Variants in SUZ12 observed in about 807,000 individuals in gnomAD.
SUZ12 encodes SUZ12 polycomb repressive complex 2 subunit, also known as polycomb protein SUZ12.
In SUZ12, 17 loss-of-function variants were observed where a neutral mutation model predicts 87.3. The observed-to-expected ratio is 0.19, with a 90% CI of 0.13 to 0.29. The LOEUF (loss-of-function observed/expected upper bound fraction) is 0.29, where lower values mean the gene tolerates loss of function less well. Ranked by LOEUF, SUZ12 falls within the 10% of genes least tolerant of loss-of-function variation. SUZ12 has a pLI of 1.00. For missense variants in SUZ12, 526 were observed against 912.2 expected (o/e 0.58, Z 5.45); for synonymous variants, 253 against 312.4 (o/e 0.81, Z 2.01).
chr17:31,988,329 C>T lies in SUZ12; in HGVS notation c.1033C>T (p.Pro345Ser). The T allele has an allele frequency of 6.4e-7, 1 of 1,557,834 alleles. No individual in the cohort carries two copies. Among genetic ancestry groups the T allele is most frequent in the Non-Finnish European group, 8.6e-7 (1 of 1,157,148 alleles). The change falls in exon 10 of 16, where the codon CCA (proline) becomes TCA (serine). Residue 345 changes from proline (P) to serine (S), a missense_variant. By Grantham distance (74) the Pro-to-Ser change is moderately conservative. This residue lies in a region of SUZ12 where 10 missense variants were observed against 50.9 expected (regional missense o/e 0.20). Transcript: ENST00000322652. ...GTTTTTTATTTTTTAGAGGCTGCCT[C>T]CATTCGAAACATTTTCTCAGGGACC... is the stretch of plus-strand genomic sequence containing the variant. ...ETILDGKRLP[P>S]FETFSQGPTL...
At chr17:31,956,715 T>C (rs1907361211) in intron 4 of SUZ12, among the ~76,000 whole-genome samples, 1 of 152,098 alleles carries the variant, frequency 6.6e-6, no homozygotes, top group Non-Finnish European at 1.5e-5. Context: ...CATTAAATTC[T>C]TAAATTATTT....
At chr17:31,991,698 G>T (rs1909730017) in intron 10 of SUZ12, among the ~76,000 whole-genome samples, 1 of 151,766 alleles carries the variant, frequency 6.6e-6, no homozygotes, top group Non-Finnish European at 1.5e-5. Context: ...TCTGCCTCCC[G>T]GGTTCAAGCA....
chr17:31,996,606 A>C (rs948773327), intron 14 of SUZ12, among the ~76,000 whole-genome samples, 192 bp from the exon 15 acceptor site: 3 of 152,080 alleles, frequency 2.0e-5, no homozygotes, highest in African/African-American at 7.3e-5. Flanking sequence ...GCGATAGAGC[A>C]AGACTCTGTC....
chr17:31,969,750 T>C (rs1908303212), intron 5 of SUZ12, among the ~76,000 whole-genome samples: 1 of 152,190 alleles, frequency 6.6e-6, no homozygotes, highest in Admixed American at 6.5e-5. Flanking sequence ...TTCTCTAAAA[T>C]GTACCAGGAG....
chr17:31,948,509 A>C (rs967558084), intron 4 of SUZ12, among the ~76,000 whole-genome samples: 4 of 152,182 alleles, frequency 2.6e-5, no homozygotes, highest in African/African-American at 9.6e-5. Flanking sequence ...CTAGTTTTAA[A>C]TCACAGCTTA....
intron 1 of SUZ12, among the ~76,000 whole-genome samples, chr17:31,938,827 T>G (rs1329252174): frequency 1.3e-5 from 2 of 152,244 alleles, no homozygotes; most frequent in Non-Finnish European, 2.9e-5. Context: ...AAGAAAGTTT[T>G]AACTATTTGC....
chr17:31,970,174 CATG>C (rs1908332702), intron 5 of SUZ12, among the ~76,000 whole-genome samples: 1 of 152,186 alleles, frequency 6.6e-6, no homozygotes, highest in Admixed American at 6.5e-5. Flanking sequence ...GTACTATTTT[CATG>C]ATGAGTATTG....
chr17:31,940,997 G>A (rs947219598), intron 3 of SUZ12, among the ~76,000 whole-genome samples: 2 of 151,408 alleles, frequency 1.3e-5, no homozygotes, highest in African/African-American at 4.9e-5. Context: ...GCAACAGAGC[G>A]AGACTCTACC....
intron 8 of SUZ12, among the ~76,000 whole-genome samples, chr17:31,978,119 G>A (rs959547394): frequency 5.9e-5 from 9 of 152,108 alleles, no homozygotes; most frequent in South Asian, 2.1e-4. Flanking sequence ...ACCAGGCTGC[G>A]TGCTGGTAGT....
At chr17:31,998,473 C>T (rs1210853541) in intron 15 of SUZ12, among the ~76,000 whole-genome samples, 185 bp from the exon 16 acceptor site, 2 of 152,108 alleles carry the variant, frequency 1.3e-5, no homozygotes, top group African/African-American at 4.8e-5. Flanking sequence ...GATTAAATCT[C>T]TTGAAATTTT....
At chr17:31,980,588 T>G (rs1909047088) in intron 8 of SUZ12, among the ~76,000 whole-genome samples, 1 of 151,766 alleles carries the variant, frequency 6.6e-6, no homozygotes, top group Non-Finnish European at 1.5e-5. Context: ...TAGCTGGGAT[T>G]AAGGCATGCG....
chr17:31,968,517 C>G (rs1007356861), intron 5 of SUZ12, among the ~76,000 whole-genome samples: 1 of 152,160 alleles, frequency 6.6e-6, no homozygotes, highest in African/African-American at 2.4e-5. Context: ...CAGGTGTGAG[C>G]CACTGAGACT....
At chr17:31,993,754 A>T in intron 11 of SUZ12, 111 bp from the exon 12 acceptor site, 1 of 1,116,192 alleles carries the variant, frequency 9.0e-7, no homozygotes, top group Non-Finnish European at 1.3e-6. Context: ...GAATATCTCT[A>T]ATTTGATTTT....
At position 31,966,207 on chromosome 17, in the gene SUZ12, A is replaced by C. The variant is rs1908077056; in HGVS notation, c.505+11A>C. ...TCTTCCACAAAAATGGTATGTATTT[A>C]AAAGTAAATAAAGTGGCATTTTAAT... On this transcript the variant is annotated intron_variant, in intron 5 of 15. Transcript: ENST00000322652. 6.3e-7 allele frequency: 1 copy of C among 1,598,428 alleles called. No homozygotes were observed. Among genetic ancestry groups the C allele is most frequent in the South Asian group, 1.1e-5 (1 of 87,888 alleles).
chr17:31,950,088 C>G (rs916864480), intron 4 of SUZ12, among the ~76,000 whole-genome samples: 1 of 151,892 alleles, frequency 6.6e-6, no homozygotes, highest in African/African-American at 2.4e-5. Context: ...CTCTGCCTCC[C>G]GTGTTCTCCT....
intron 8 of SUZ12, among the ~76,000 whole-genome samples, chr17:31,977,643 C>T (rs1298321181): frequency 1.3e-5 from 2 of 152,128 alleles, no homozygotes; most frequent in South Asian, 2.1e-4. Flanking sequence ...GTAATCCCAG[C>T]TCTTTGGGAG....
chr17:31,979,062 C>T (rs577390172), intron 8 of SUZ12, among the ~76,000 whole-genome samples: 13 of 143,426 alleles, frequency 9.1e-5, no homozygotes, highest in East Asian at 8.4e-4. Flanking sequence ...GTTGAGATCG[C>T]GCCGCTGCAC....
intron 6 of SUZ12, among the ~76,000 whole-genome samples, chr17:31,975,280 A>G (rs990145007): frequency 6.6e-6 from 1 of 152,138 alleles, no homozygotes; most frequent in African/African-American, 2.4e-5. Flanking sequence ...GAAAACCTCA[A>G]TTGCTTTAAT....
chr17:31,974,116 G>A (rs1405130778), intron 6 of SUZ12, among the ~76,000 whole-genome samples: 4 of 152,020 alleles, frequency 2.6e-5, no homozygotes, highest in African/African-American at 7.3e-5. Flanking sequence ...CCAGCTACTC[G>A]GGAGGATTGC....
Sources: gnomAD v4.1 joint callset for allele counts (sites outside exome capture counted in the v4.1 genomes callset) on GRCh38, gnomAD v4.1.1 for gene constraint, gnomAD v4.1.1 regional missense constraint, MANE v1.5 for transcripts, NCBI Gene and HGNC (gene_info 2026-07-23, HGNC 2026-07-21) for gene names.